PCSK1N: variants seen among roughly 807,000 people sequenced by gnomAD.
The protein encoded by PCSK1N is proprotein convertase subtilisin/kexin type 1 inhibitor.
PCSK1N carries 8 observed loss-of-function variants against 10.6 expected under a neutral mutation model. The ratio of observed to expected loss-of-function variants is 0.76; its 90% CI spans 0.44 to 1.37. The LOEUF (loss-of-function observed/expected upper bound fraction) is 1.37, where lower values mean the gene tolerates loss of function less well. PCSK1N is among the 40% of genes most tolerant of loss of function. PCSK1N has a pLI of 0.00. For synonymous variants in PCSK1N, 143 were observed against 137.1 expected (o/e 1.04, Z -0.30); for missense variants, 301 against 268.5 (o/e 1.12, Z -0.84).
At chrX:48,831,770 A>G in intron 2 of PCSK1N, 99 bp downstream of exon 2, 1 of 655,978 alleles carries the variant, frequency 1.5e-6, no homozygotes, top group Non-Finnish European at 2.1e-6. Context: ...CCCAGGACTT[A>G]GGGGTTCGCA....
At chrX:48,832,396 A>AC (rs2063176301) in intron 1 of PCSK1N, 55 bp from the exon 2 acceptor site, 22 of 975,657 alleles carry the variant, frequency 2.3e-5, no homozygotes, top group Non-Finnish European at 2.8e-5. Flanking sequence ...CGAGACAGGG[A>AC]CCCCCAGCCC....
rs938838504 is a variant in PCSK1N at position 48,835,533 on chromosome X, G to A, written c.-1C>T. On this transcript the variant is annotated 5_prime_UTR_variant, in exon 1 of 3. Transcript: ENST00000218230. ...CCCAGAGCAGCGGCGACCCCGCCATGCTGCCCCAGCGAGCCGGGCTCCGGA... is the reference window on the plus strand; with the variant it reads ...CCCAGAGCAGCGGCGACCCCGCCATACTGCCCCAGCGAGCCGGGCTCCGGA... 123 of 872,327 alleles carry A rather than the reference G, an allele frequency of 1.4e-4. No homozygotes were observed. The highest frequency in any genetic ancestry group is 1.9e-4 in the African/African-American group (9 of 47,608). 71.9% of individuals were successfully genotyped at this position (872,327 alleles called of 1,213,427 possible). A position where few individuals can be genotyped will look rare whatever the true frequency, so the allele number is the denominator to read the frequency against.
chrX:48,832,401 C>CTA, intron 1 of PCSK1N, 60 bp from the exon 2 acceptor site: 1 of 959,237 alleles, frequency 1.0e-6, no homozygotes. Context: ...CAGGGACCCC[C>CTA]AGCCCGGGAA....
At position 48,831,900 on chromosome X, in the gene PCSK1N, C is replaced by A. The variant is rs1229401447; in HGVS notation, c.556G>T (p.Glu186Ter). ...AGPDAEEAGD[E>*]TPDVDPELLR... ...AGCTCGGGGTCCACGTCGGGTGTCT[C>A]GTCGCCTGCCTCCTCAGCATCCGGG... Residue 186 changes from glutamate (E) to a stop codon, truncating the protein, a stop_gained, in exon 2 of 3, where the codon GAG becomes TAG. Coordinates refer to ENST00000218230, the MANE Select transcript of PCSK1N (RefSeq NM_013271.5). LOFTEE classifies it high-confidence loss of function. 1 of 1,089,337 alleles carries A rather than the reference C, an allele frequency of 9.2e-7. No homozygotes were observed. The allele number at this position is 1,089,337 out of a possible 1,213,427, so 89.8% of individuals were successfully genotyped here. A position where few individuals can be genotyped will look rare whatever the true frequency, so the allele number is the denominator to read the frequency against.
intron 1 of PCSK1N, among the ~76,000 whole-genome samples, chrX:48,833,380 C>T (rs1322689820): frequency 8.9e-6 from 1 of 111,809 alleles, no homozygotes; most frequent in Non-Finnish European, 1.9e-5. Context: ...CTGTCTCTAA[C>T]AAACATAAAA....
In PCSK1N at chrX:48,831,387, C is replaced by A. The variant is rs2063172004; in HGVS notation, c.656G>T (p.Arg219Leu). ...SEGVAAPRRLRRAADHDVGSE... is the reference protein window; with the variant it reads ...SEGVAAPRRLLRAADHDVGSE... ...GCCCACATCGTGGTCGGCGGCACGG[C>A]GGAGGCGGCGCGGGGCTGCCACCCC... Residue 219 changes from arginine (R) to leucine (L), a missense_variant, in exon 3 of 3, where the codon CGC (arginine) becomes CTC (leucine). Arg to Leu is a moderately radical substitution (Grantham distance 102). Coordinates refer to ENST00000218230, the MANE Select transcript of PCSK1N (RefSeq NM_013271.5). 9.0e-7 allele frequency: 1 copy of A among 1,108,048 alleles called. No individual in the cohort carries two copies. Among genetic ancestry groups the A allele is most frequent in the East Asian group, 3.4e-5 (1 of 29,552 alleles). The allele number at this position is 1,108,048 out of a possible 1,213,427, so 91.3% of individuals were successfully genotyped here.
Position 48,832,142 on chromosome X carries a change from A to G in PCSK1N, c.314T>C (p.Val105Ala), listed in dbSNP as rs782465126. ...CCAGACGCGCAGCAGCTGCGCCAGG[A>G]CGCGCGCCTGCTGATCCTCAGCCTC... ...AQEAEDQQAR[V>A]LAQLLRVWGA... The change falls in exon 2 of 3, where the codon GTC (valine) becomes GCC (alanine). Residue 105 changes from valine to alanine, a missense_variant. Physicochemically the swap from Val to Ala is moderately conservative, Grantham distance 64. Transcript: ENST00000218230. The G allele has an allele frequency of 1.8e-5, 20 of 1,134,359 alleles. No homozygotes were observed. Among genetic ancestry groups the G allele is most frequent in the Non-Finnish European group, 4.6e-6 (4 of 865,049 alleles). 93.5% of individuals were successfully genotyped at this position (1,134,359 alleles called of 1,213,427 possible).
At chrX:48,835,350 GCCCCAA>G (rs1383317473) in intron 1 of PCSK1N, 63 bp downstream of exon 1, 2 of 471,238 alleles carry the variant, frequency 4.2e-6, no homozygotes, top group African/African-American at 2.5e-5. Flanking sequence ...AGGCGGCGCA[GCCCCAA>G]CCCCAACCCT....
chrX:48,833,331 C>A (rs2063178581), intron 1 of PCSK1N, among the ~76,000 whole-genome samples: 1 of 112,335 alleles, frequency 8.9e-6, no homozygotes, highest in Non-Finnish European at 1.9e-5. Context: ...GAGCCCAGAT[C>A]GCACCACTGC....
At chrX:48,834,725 A>G (rs188298604) in intron 1 of PCSK1N, 2 of 111,133 alleles carry the variant, frequency 1.8e-5, no homozygotes, top group Non-Finnish European at 3.7e-5. Flanking sequence ...CAGAACCACT[A>G]TGGAATGTGC....
chrX:48,835,610 C>A lies in PCSK1N; in HGVS notation c.-78G>T. 3.0e-6 allele frequency: 1 copy of A among 333,298 alleles called. No homozygotes were observed. Among genetic ancestry groups the A allele is most frequent in the Non-Finnish European group, 4.4e-6 (1 of 225,984 alleles). The allele number at this position is 333,298 out of a possible 1,213,427, so 27.5% of individuals were successfully genotyped here. A position where few individuals can be genotyped will look rare whatever the true frequency, so the allele number is the denominator to read the frequency against. ...GTGCCGGGGCGAGCTGGCGAGGCTGCGGCGCTCTGCGGCTGCGCACGCCCG... is the reference window on the plus strand; with the variant it reads ...GTGCCGGGGCGAGCTGGCGAGGCTGAGGCGCTCTGCGGCTGCGCACGCCCG... On this transcript the variant is annotated 5_prime_UTR_variant, in exon 1 of 3. Transcript: ENST00000218230.
intron 1 of PCSK1N, among the ~76,000 whole-genome samples, chrX:48,835,107 C>G (rs1557033974): frequency 8.9e-6 from 1 of 112,747 alleles, no homozygotes; most frequent in Non-Finnish European, 1.9e-5. Flanking sequence ...CTGATGCGCG[C>G]GCGCCCTTTC....
chrX:48,831,152 C>T lies in PCSK1N; in HGVS notation c.*108G>A. 1.6e-6 allele frequency: 1 copy of T among 637,169 alleles called. No individual in the cohort carries two copies. The highest frequency in any genetic ancestry group is 2.3e-5 in the African/African-American group (1 of 42,931). The allele number at this position is 637,169 out of a possible 1,213,427, so 52.5% of individuals were successfully genotyped here. A position where few individuals can be genotyped will look rare whatever the true frequency, so the allele number is the denominator to read the frequency against. ...GGGTAGGGATCCTCGGGTGAGAGGGCTGGCTGGCCGGGGTAAGTTGCTCTG... is the reference window on the plus strand; with the variant it reads ...GGGTAGGGATCCTCGGGTGAGAGGGTTGGCTGGCCGGGGTAAGTTGCTCTG... On this transcript the variant is annotated 3_prime_UTR_variant, in exon 3 of 3. Transcript: ENST00000218230.
chrX:48,835,286 G>C (rs2063183382), intron 1 of PCSK1N, 133 bp downstream of exon 1: 1 of 312,417 alleles, frequency 3.2e-6, no homozygotes. Flanking sequence ...CCGGAGCCCG[G>C]GCCACCCTCG....
At chrX:48,832,485 A>T (rs1453705650) in intron 1 of PCSK1N, 144 bp from the exon 2 acceptor site, 3 of 439,728 alleles carry the variant, frequency 6.8e-6, no homozygotes, top group Non-Finnish European at 7.3e-6. Flanking sequence ...GACACCCCTA[A>T]GGCCACTGGA....
chrX:48,831,816 CT>C (rs2063173516), intron 2 of PCSK1N, 52 bp downstream of exon 2: 5 of 938,628 alleles, frequency 5.3e-6, no homozygotes, highest in Non-Finnish European at 6.8e-6. Context: ...GTTCCTCGCC[CT>C]CGTCCTCTCC....
In PCSK1N at chrX:48,831,319, C is replaced by T; in HGVS notation, c.724G>A (p.Val242Met). The T allele has an allele frequency of 2.6e-6, 3 of 1,174,274 alleles. No individual in the cohort carries two copies. The highest frequency in any genetic ancestry group is 1.1e-6 in the Non-Finnish European group (1 of 878,653). The change falls in exon 3 of 3, where the codon GTG becomes ATG. Residue 242 changes from valine to methionine, a missense_variant. Transcript: ENST00000218230. ...GGCGCCGGGGTCTCTAGGCGTTTCA[C>T]ACGCAGCAGCGCCCCCAGCACGCCC... is the stretch of plus-strand genomic sequence containing the variant. ...PEGVLGALLRVKRLETPAPQV... is the reference protein window; with the variant it reads ...PEGVLGALLRMKRLETPAPQV...
chrX:48,834,240 T>C (rs1476490764), intron 1 of PCSK1N, among the ~76,000 whole-genome samples: 1 of 111,848 alleles, frequency 8.9e-6, no homozygotes, highest in Non-Finnish European at 1.9e-5. Flanking sequence ...GAGAGTTATT[T>C]TGTCATCATT....
At position 48,835,610 on chromosome X, in the gene PCSK1N, C is replaced by G; in HGVS notation, c.-78G>C. On this transcript the variant is annotated 5_prime_UTR_variant, in exon 1 of 3. Coordinates refer to ENST00000218230, the MANE Select transcript of PCSK1N (RefSeq NM_013271.5). ...GTGCCGGGGCGAGCTGGCGAGGCTG[C>G]GGCGCTCTGCGGCTGCGCACGCCCG... 3.0e-6 allele frequency: 1 copy of G among 333,298 alleles called. No individual in the cohort carries two copies. Among genetic ancestry groups the G allele is most frequent in the Non-Finnish European group, 4.4e-6 (1 of 225,984 alleles). 27.5% of individuals were successfully genotyped at this position (333,298 alleles called of 1,213,427 possible). A position where few individuals can be genotyped will look rare whatever the true frequency, so the allele number is the denominator to read the frequency against.
Sources: gnomAD v4.1 joint callset for allele counts (sites outside exome capture counted in the v4.1 genomes callset) on GRCh38, gnomAD v4.1.1 for gene constraint, MANE v1.5 for transcripts, NCBI Gene and HGNC (gene_info 2026-07-23, HGNC 2026-07-21) for gene names.